JARID2: variants seen among roughly 807,000 people sequenced by gnomAD.
JARID2 encodes protein Jumonji.
Under a neutral mutation model 125.6 loss-of-function variants are expected in JARID2, and 21 were observed. That is an observed-to-expected ratio of 0.17 (90% CI 0.12 to 0.24). The LOEUF (loss-of-function observed/expected upper bound fraction) is 0.24. JARID2 is among the 10% of genes least tolerant of loss of function. The pLI is 1.00. For missense variants in JARID2, 1,303 were observed against 1,639.6 expected, an observed-to-expected ratio of 0.79 and a Z score of 3.55; for synonymous variants, 736 against 661.6, an observed-to-expected ratio of 1.11 and a Z score of -1.73.
At position 15,513,041 on chromosome 6, in the gene JARID2, C is replaced by T. The variant is rs780593987; in HGVS notation, c.3262C>T (p.Leu1088Phe). 1 of 1,614,112 alleles carries T rather than the reference C, an allele frequency of 6.2e-7. No individual in the cohort carries two copies. Among genetic ancestry groups the T allele is most frequent in the Non-Finnish European group, 8.5e-7 (1 of 1,180,020 alleles). ...LSTISALLDE[L>F]RDTELRQRRQ... ...TACCATCTCAGCCCTCCTGGATGAG[C>T]TCAGGTAACAGACCCCCAGAGCCCA... Residue 1088 changes from leucine (L) to phenylalanine (F), a missense_variant, in exon 15 of 18, where the codon CTC becomes TTC. Coordinates refer to ENST00000341776, the MANE Select transcript of JARID2 (RefSeq NM_004973.4).
At position 15,508,558 on chromosome 6, in the gene JARID2, T is replaced by G. The variant is rs543339967; in HGVS notation, c.2846+104T>G. ...TCTTGTCCAGGTGGTTCCACGTGCT[T>G]GAGAACTTGCTTCTCTGTGTTCAGG... On this transcript the variant is annotated intron_variant, in intron 12 of 17. Transcript: ENST00000341776. 164 of 703,514 alleles carry G rather than the reference T, an allele frequency of 2.3e-4. 2 individuals are homozygous for G. In the South Asian group the frequency reaches 2.6e-3, roughly 11 times the overall value. 43.6% of individuals were successfully genotyped at this position (703,514 alleles called of 1,614,324 possible). A position where few individuals can be genotyped will look rare whatever the true frequency, so the allele number is the denominator to read the frequency against.
intron 1 of JARID2, among the ~76,000 whole-genome samples, chr6:15,309,567 C>G (rs1343918208): frequency 2.6e-5 from 4 of 151,758 alleles, no homozygotes; most frequent in Non-Finnish European, 5.9e-5. Flanking sequence ...GTGAAAAAAG[C>G]AAGTGAGAAA....
At chr6:15,312,978 C>G (rs758772841) in intron 1 of JARID2, among the ~76,000 whole-genome samples, 1 of 152,172 alleles carries the variant, frequency 6.6e-6, no homozygotes, top group African/African-American at 2.4e-5. Flanking sequence ...CACTGGCGTT[C>G]AGCATCTTTC....
intron 1 of JARID2, among the ~76,000 whole-genome samples, chr6:15,298,371 C>T (rs1420943964): frequency 2.0e-5 from 3 of 152,008 alleles, no homozygotes; most frequent in South Asian, 4.2e-4. Flanking sequence ...GCACTCATTG[C>T]TACAGTGAGA....
At chr6:15,261,780 A>G (rs1759887928) in intron 1 of JARID2, among the ~76,000 whole-genome samples, 2 of 145,510 alleles carry the variant, frequency 1.4e-5, no homozygotes, top group South Asian at 2.3e-4. Flanking sequence ...ATACAAATTC[A>G]GGGATTTTTT....
At chr6:15,463,056 C>G (rs934668532) in intron 4 of JARID2, among the ~76,000 whole-genome samples, 1 of 152,002 alleles carries the variant, frequency 6.6e-6, no homozygotes, top group Non-Finnish European at 1.5e-5. Context: ...ACTCTGATTG[C>G]TCTTATCTGA....
chr6:15,499,866 C>G lies in JARID2; in HGVS notation c.1946-1041C>G, dbSNP rs9358061. ...TGCTGGTGTGCTGGGAACTCGCTCT[C>G]TGTGTGTGCTGTGTCTGCCGAGGTG... On this transcript the variant is annotated intron_variant, in intron 7 of 17. Transcript: ENST00000341776. Among the ~76,000 whole-genome samples, 331 of 152,274 alleles carry G rather than the reference C, an allele frequency of 2.2e-3. 2 individuals carry two copies. The highest frequency in any genetic ancestry group is 2.5e-3 in the East Asian group (13 of 5,176).
Position 15,520,712 on chromosome 6 carries a change from T to G in JARID2, c.*461T>G. ...GCGCACACACACACACACACGAAAC[T>G]TGAAATGGCTTTGCTTTGGCTGTCG... On this transcript the variant is annotated 3_prime_UTR_variant, in exon 18 of 18. Transcript: ENST00000341776. The G allele has an allele frequency of 2.2e-6, 1 of 454,170 alleles. No homozygotes were observed. The highest frequency in any genetic ancestry group is 4.4e-6 in the Non-Finnish European group (1 of 225,570). The allele number at this position is 454,170 out of a possible 1,614,324, so 28.1% of individuals were successfully genotyped here.
intron 2 of JARID2, chr6:15,400,857 C>G: frequency 7.8e-7 from 1 of 1,286,244 alleles, no homozygotes; most frequent in Non-Finnish European, 1.0e-6. Flanking sequence ...GGATTGTTGA[C>G]AAGTGCTCCG....
chr6:15,297,828 C>A (rs575486779), intron 1 of JARID2, among the ~76,000 whole-genome samples: 1 of 151,894 alleles, frequency 6.6e-6, no homozygotes, highest in Non-Finnish European at 1.5e-5. Flanking sequence ...ATTTAGTAGA[C>A]CCTAGATTTT....
At chr6:15,350,560 T>G (rs1309490963) in intron 1 of JARID2, among the ~76,000 whole-genome samples, 1 of 152,110 alleles carries the variant, frequency 6.6e-6, no homozygotes, top group African/African-American at 2.4e-5. Context: ...AACAACCCAT[T>G]TGCATCAGTC....
chr6:15,443,096 A>C lies in JARID2; in HGVS notation c.324-8910A>C, dbSNP rs1450721913. 2.6e-5 allele frequency among the ~76,000 whole-genome samples: 4 copies of C among 151,552 alleles called. No individual in the cohort carries two copies. The East Asian group carries it at 7.7e-4, about 29-fold the overall frequency. On this transcript the variant is annotated intron_variant, in intron 3 of 17. Transcript: ENST00000341776. ...AATCCTTCCCTGGAATTAAAAAAAA[A>C]AAAGATTCACCTTTCTCTCTGATGC...
At position 15,392,077 on chromosome 6, in the gene JARID2, T is replaced by C. The variant is rs73726567; in HGVS notation, c.181+17825T>C. ...GTGTGTGTGTGTGTGTGTGTGTGTG[T>C]GCGTGTCTGGAGGTGGCAAAATGTG... is the stretch of plus-strand genomic sequence containing the variant. On this transcript the variant is annotated intron_variant, in intron 2 of 17. Transcript: ENST00000341776. Among the ~76,000 whole-genome samples, 244 of 41,458 alleles carry C rather than the reference T, an allele frequency of 5.9e-3. 1 individual carries two copies. In the East Asian group the frequency reaches 0.068, roughly 11 times the overall value. 27.2% of individuals were successfully genotyped at this position (41,458 alleles called of 152,430 possible).
intron 1 of JARID2, among the ~76,000 whole-genome samples, chr6:15,289,281 G>A (rs1187853224): frequency 6.6e-6 from 1 of 152,206 alleles, no homozygotes; most frequent in Admixed American, 6.5e-5. Flanking sequence ...GTTAAGAATG[G>A]TGCATGCAGA....
intron 3 of JARID2, among the ~76,000 whole-genome samples, chr6:15,423,395 T>C (rs191953197): frequency 6.6e-6 from 1 of 152,276 alleles, no homozygotes; most frequent in East Asian, 1.9e-4. Context: ...GGAAGAATTG[T>C]GCAACTACTA....
intron 1 of JARID2, among the ~76,000 whole-genome samples, chr6:15,321,570 G>C (rs928150607): frequency 5.3e-5 from 8 of 152,066 alleles, no homozygotes; most frequent in Non-Finnish European, 1.0e-4. Flanking sequence ...GACTGTCAGG[G>C]GGTTTATCTA....
chr6:15,491,893 CAGGT>C (rs1295664797), intron 6 of JARID2, among the ~76,000 whole-genome samples: 1 of 152,192 alleles, frequency 6.6e-6, no homozygotes, highest in Non-Finnish European at 1.5e-5. Context: ...AGAACAAAGT[CAGGT>C]AGGAACGTTT....
intron 1 of JARID2, among the ~76,000 whole-genome samples, chr6:15,320,095 T>C (rs1762302835): frequency 6.6e-6 from 1 of 152,250 alleles, no homozygotes; most frequent in Non-Finnish European, 1.5e-5. Flanking sequence ...GTTTTATTAG[T>C]ATGTTTCAAA....
At chr6:15,502,519 C>A (rs1363157384) in intron 8 of JARID2, among the ~76,000 whole-genome samples, 1 of 152,204 alleles carries the variant, frequency 6.6e-6, no homozygotes, top group Non-Finnish European at 1.5e-5. Flanking sequence ...ACCACCATAC[C>A]CTCAGGTGCC....
Sources: allele counts gnomAD v4.1 joint callset (sites outside exome capture counted in the v4.1 genomes callset), GRCh38; gene constraint gnomAD v4.1.1; transcripts MANE v1.5; gene names NCBI Gene and HGNC (gene_info 2026-07-23, HGNC 2026-07-21).